Variants in CD96 observed in about 807,000 individuals in gnomAD.
CD96 encodes CD96 molecule, also known as T-cell surface protein tactile.
Under a neutral mutation model 71.3 loss-of-function variants are expected in CD96, and 70 were observed. The ratio of observed to expected loss-of-function variants is 0.98; its 90% CI spans 0.81 to 1.20. The LOEUF (loss-of-function observed/expected upper bound fraction) is 1.20. Among genes scored for constraint, CD96 ranks in the 50% most tolerant of loss-of-function variants. The pLI is 0.00. For synonymous variants in CD96, 248 were observed against 233.0 expected (o/e 1.06, Z -0.59); for missense variants, 742 against 677.5 (o/e 1.10, Z -1.06).
chr3:111,631,109 C>T (rs1161951963), intron 10 of CD96, among the ~76,000 whole-genome samples: 2 of 152,138 alleles, frequency 1.3e-5, no homozygotes, highest in Non-Finnish European at 2.9e-5. Context: ...CCTCTCTCAG[C>T]GTTTCTATTC....
At chr3:111,565,447 T>C (rs769728205) in intron 2 of CD96, among the ~76,000 whole-genome samples, 2 of 152,154 alleles carry the variant, frequency 1.3e-5, no homozygotes, top group Non-Finnish European at 2.9e-5. Flanking sequence ...ATGTAATACT[T>C]ATGTATTTGA....
chr3:111,545,039 T>G lies in CD96; in HGVS notation c.62-7T>G. 1.2e-6 allele frequency: 2 copies of G among 1,608,522 alleles called. No homozygotes were observed. Among genetic ancestry groups the G allele is most frequent in the East Asian group, 2.2e-5 (1 of 44,850 alleles). The stretch of plus-strand genomic sequence containing the variant: ...TTAAACTCATGGCTCATGTTCTTTC[T>G]TTTCAGGAGTTTGGGAAAAAACAGT... On this transcript the variant is annotated splice_region_variant and splice_polypyrimidine_tract_variant and intron_variant, in intron 1 of 13. Transcript: ENST00000352690.
intron 8 of CD96, among the ~76,000 whole-genome samples, chr3:111,614,217 G>A (rs1043110978): frequency 1.3e-5 from 2 of 152,092 alleles, no homozygotes; most frequent in East Asian, 1.9e-4. Context: ...GGAAACGCTG[G>A]GATATGTGAG....
intron 8 of CD96, among the ~76,000 whole-genome samples, chr3:111,623,512 G>A (rs977160090): frequency 1.3e-5 from 2 of 152,114 alleles, no homozygotes; most frequent in African/African-American, 4.8e-5. Context: ...TATTTTGAAA[G>A]TATGAATATA....
chr3:111,610,089 C>T (rs1427443550), intron 8 of CD96, among the ~76,000 whole-genome samples: 2 of 152,188 alleles, frequency 1.3e-5, no homozygotes, highest in Non-Finnish European at 2.9e-5. Context: ...GTAGGTATCT[C>T]TTACTTTACA....
At chr3:111,624,154 T>TTAAACA in intron 9 of CD96, among the ~76,000 whole-genome samples, 179 bp from the exon 10 acceptor site, 2 of 152,332 alleles carry the variant, frequency 1.3e-5, no homozygotes, top group East Asian at 3.9e-4. Context: ...CAAGCTGGCA[T>TTAAACA]TAAACATAAA....
At chr3:111,549,770 A>G (rs1934601869) in intron 2 of CD96, among the ~76,000 whole-genome samples, 1 of 152,184 alleles carries the variant, frequency 6.6e-6, no homozygotes, top group Non-Finnish European at 1.5e-5. Flanking sequence ...GGAACATTGT[A>G]TTAGGGAACA....
intron 14 of CD96, among the ~76,000 whole-genome samples, chr3:111,663,301 A>G (rs1004679987): frequency 5.3e-5 from 8 of 152,220 alleles, no homozygotes; most frequent in African/African-American, 1.9e-4. Context: ...CTCTCCCAAC[A>G]CTGGGAATTA....
chr3:111,575,104 T>C (rs577335681), intron 3 of CD96, among the ~76,000 whole-genome samples: 1 of 152,164 alleles, frequency 6.6e-6, no homozygotes, highest in South Asian at 2.1e-4. Context: ...CTTAAGTAGA[T>C]TATAAGTAGG....
chr3:111,623,726 TA>T (rs1230657778), intron 8 of CD96, 27 bp from the exon 9 acceptor site: 2 of 1,420,462 alleles, frequency 1.4e-6, no homozygotes, highest in Non-Finnish European at 2.0e-6. Flanking sequence ...ATACATATAA[TA>T]ATTTGGGAAT....
chr3:111,653,429 T>C (rs1940154476), downstream of CD96, among the ~76,000 whole-genome samples: 1 of 152,200 alleles, frequency 6.6e-6, no homozygotes, highest in African/African-American at 2.4e-5. Context: ...GCGTGCTTTA[T>C]TTTTTTAAAA....
rs1404350889 is a variant in CD96, at chr3:111,650,622, T to A, written c.*816T>A. ...GCCTAAGCCCAACCCTACTTTCTAATTCCAGTTATTCTCTTTTTCATCTGG... is the reference window on the plus strand; with the variant it reads ...GCCTAAGCCCAACCCTACTTTCTAAATCCAGTTATTCTCTTTTTCATCTGG... On this transcript the variant is annotated 3_prime_UTR_variant, in exon 14 of 14. Coordinates refer to ENST00000352690, the MANE Select transcript of CD96 (RefSeq NM_005816.5). 6.6e-6 allele frequency: 1 copy of A among 152,282 alleles called. No homozygotes were observed. The highest frequency in any genetic ancestry group is 1.9e-4 in the East Asian group (1 of 5,196). 9.4% of individuals were successfully genotyped at this position (152,282 alleles called of 1,614,324 possible). A position where few individuals can be genotyped will look rare whatever the true frequency, so the allele number is the denominator to read the frequency against.
chr3:111,664,767 G>T (rs1306468461), intron 14 of CD96, among the ~76,000 whole-genome samples: 1 of 152,162 alleles, frequency 6.6e-6, no homozygotes, highest in East Asian at 1.9e-4. Flanking sequence ...ATTAAAGGAG[G>T]CTAAAGAGAC....
chr3:111,655,684 A>G (rs1014532034), downstream of CD96, among the ~76,000 whole-genome samples: 1 of 152,114 alleles, frequency 6.6e-6, no homozygotes, highest in East Asian at 1.9e-4. Context: ...CCATATAAAT[A>G]GAACTAAGGA....
chr3:111,661,175 A>C (rs1488629858), intron 14 of CD96, among the ~76,000 whole-genome samples: 1 of 152,168 alleles, frequency 6.6e-6, no homozygotes, highest in Non-Finnish European at 1.5e-5. Context: ...ACACACTTTT[A>C]AAAAACAACA....
intron 7 of CD96, among the ~76,000 whole-genome samples, chr3:111,604,599 A>G (rs1272321173): frequency 6.6e-6 from 1 of 152,220 alleles, no homozygotes; most frequent in Non-Finnish European, 1.5e-5. Flanking sequence ...TTCTTAATAC[A>G]CTATGAGGCT....
chr3:111,606,190 T>C (rs1391303374), intron 7 of CD96, among the ~76,000 whole-genome samples: 1 of 152,214 alleles, frequency 6.6e-6, no homozygotes, highest in African/African-American at 2.4e-5. Context: ...GTTGTCATGT[T>C]AGAAAGCAGA....
chr3:111,573,393 A>G (rs1053683459), intron 3 of CD96, among the ~76,000 whole-genome samples: 6 of 152,200 alleles, frequency 3.9e-5, no homozygotes, highest in Non-Finnish European at 7.3e-5. Context: ...TAAAAATGTT[A>G]AAAACGGCAG....
chr3:111,629,308 G>T lies in CD96; in HGVS notation c.1321+4904G>T, dbSNP rs1938941467. On this transcript the variant is annotated intron_variant, in intron 10 of 13. Transcript: ENST00000352690. Reference sequence around the variant, plus strand: ...GACACACAGAGGCTCAAAATAAAGGGATGGAGGGAAATTTGCCAAACAAAT... The same window carrying T: ...GACACACAGAGGCTCAAAATAAAGGTATGGAGGGAAATTTGCCAAACAAAT... Among the ~76,000 whole-genome samples the T allele has an allele frequency of 2.0e-5, 3 of 152,232 alleles. No homozygotes were observed. In the South Asian group the frequency reaches 6.2e-4, roughly 32 times the overall value.
Sources: allele counts gnomAD v4.1 joint callset (sites outside exome capture counted in the v4.1 genomes callset), GRCh38; gene constraint gnomAD v4.1.1; transcripts MANE v1.5; gene names NCBI Gene and HGNC (gene_info 2026-07-23, HGNC 2026-07-21).